Variants in MEMO1 observed in about 807,000 individuals in gnomAD.
MEMO1 encodes mediator of cell motility 1.
Under a neutral mutation model 45.2 loss-of-function variants are expected in MEMO1, and 6 were observed. That is an observed-to-expected ratio of 0.13 (90% confidence interval 0.07 to 0.26). MEMO1 has a LOEUF of 0.26. MEMO1 is among the 10% of genes least tolerant of loss of function. The probability of loss-of-function intolerance (pLI) is 1.00; values close to 1 mark genes in which losing one functional copy is unlikely to be tolerated. For synonymous variants in MEMO1, 78 were observed against 124.3 expected (o/e 0.63, Z 2.48); for missense variants, 184 against 370.5 (o/e 0.50, Z 4.13).
At chr2:31,950,509 A>G (rs1219677999) in intron 2 of MEMO1, among the ~76,000 whole-genome samples, 1 of 152,082 alleles carries the variant, frequency 6.6e-6, no homozygotes, top group Non-Finnish European at 1.5e-5. Flanking sequence ...ACTTGAGGTC[A>G]GGAATTTGAG....
At chr2:31,987,346 C>G (rs923316192) in intron 2 of MEMO1, among the ~76,000 whole-genome samples, 5 of 151,982 alleles carry the variant, frequency 3.3e-5, no homozygotes, top group Non-Finnish European at 5.9e-5. Context: ...AGGAGAATGA[C>G]AAAAGACTAG....
At chr2:31,944,723 C>T (rs1666000510) in intron 2 of MEMO1, among the ~76,000 whole-genome samples, 2 of 152,118 alleles carry the variant, frequency 1.3e-5, no homozygotes, top group Non-Finnish European at 2.9e-5. Flanking sequence ...CATACTAACA[C>T]TGATTAATTT....
intron 8 of MEMO1, among the ~76,000 whole-genome samples, chr2:31,879,899 A>G (rs1337764500): frequency 1.3e-5 from 2 of 152,156 alleles, no homozygotes; most frequent in Non-Finnish European, 2.9e-5. Flanking sequence ...TGTCCCTCTT[A>G]TATTCCCTGT....
chr2:31,985,243 T>C (rs1245040452), intron 2 of MEMO1, among the ~76,000 whole-genome samples: 1 of 152,202 alleles, frequency 6.6e-6, no homozygotes, highest in Non-Finnish European at 1.5e-5. Context: ...CTATAAACGC[T>C]GAAAGTGTTT....
chr2:31,905,915 C>A (rs1038422037), intron 6 of MEMO1, among the ~76,000 whole-genome samples: 2 of 152,170 alleles, frequency 1.3e-5, no homozygotes, highest in African/African-American at 4.8e-5. Flanking sequence ...TTTCTTCCAA[C>A]TCCAATCCAT....
chr2:31,960,163 C>G (rs1667850031), intron 2 of MEMO1, among the ~76,000 whole-genome samples: 1 of 151,060 alleles, frequency 6.6e-6, no homozygotes, highest in Non-Finnish European at 1.5e-5. Flanking sequence ...CGCCACTGCA[C>G]TGCAGCCTGG....
intron 2 of MEMO1, among the ~76,000 whole-genome samples, chr2:31,949,234 A>G (rs931962365): frequency 4.6e-5 from 7 of 152,204 alleles, no homozygotes; most frequent in African/African-American, 1.4e-4. Flanking sequence ...TTGAGCTACC[A>G]TAGGATCCAG....
chr2:31,921,131 C>T (rs910908491), intron 4 of MEMO1, among the ~76,000 whole-genome samples: 3 of 152,012 alleles, frequency 2.0e-5, no homozygotes, highest in Non-Finnish European at 2.9e-5. Context: ...TTCAAAGAGG[C>T]GATTAAGTTC....
At chr2:31,923,759 A>C in intron 4 of MEMO1, 1 of 1,523,712 alleles carries the variant, frequency 6.6e-7, no homozygotes, top group Non-Finnish European at 8.8e-7. Flanking sequence ...CAAAATATGA[A>C]GTGATTTTTA....
intron 2 of MEMO1, among the ~76,000 whole-genome samples, chr2:31,969,656 G>A (rs1261755522): frequency 6.9e-6 from 1 of 144,952 alleles, no homozygotes; most frequent in Non-Finnish European, 1.5e-5. Flanking sequence ...TCTCTCTGTT[G>A]CCCAGGCTGG....
At chr2:31,895,837 CT>C (rs71412853) in intron 6 of MEMO1, among the ~76,000 whole-genome samples, 513 of 84,746 alleles carry the variant, frequency 6.1e-3, no homozygotes, top group African/African-American at 0.017. Context: ...AGAAAAAAAT[CT>C]TTTTTTTTTT....
chr2:31,874,598 C>CAA (rs1674284520), intron 8 of MEMO1, among the ~76,000 whole-genome samples: 1 of 151,746 alleles, frequency 6.6e-6, no homozygotes, highest in Admixed American at 6.6e-5. Flanking sequence ...TAAAAAGGAC[C>CAA]AAAACTTAAT....
chr2:32,007,795 T>C (rs1018671207), intron 2 of MEMO1, among the ~76,000 whole-genome samples: 5 of 152,210 alleles, frequency 3.3e-5, no homozygotes, highest in African/African-American at 1.2e-4. Context: ...CACTGACAAA[T>C]ATTAAAGACA....
At chr2:31,986,409 T>C (rs911123900) in intron 2 of MEMO1, among the ~76,000 whole-genome samples, 39 of 152,182 alleles carry the variant, frequency 2.6e-4, no homozygotes, top group African/African-American at 9.2e-4. Context: ...AAGGCGGAGC[T>C]TGCAGTGAGC....
chr2:31,925,900 G>C lies in MEMO1; in HGVS notation c.213-4990C>G, dbSNP rs189598059. On this transcript the variant is annotated intron_variant, in intron 4 of 9. Coordinates refer to ENST00000404530, the MANE Select transcript of MEMO1 (RefSeq NM_001301833.4). Reference sequence around the variant, plus strand: ...TGACAAAATGCATTCAATCTGTGGTGATAAAACATTTCTGCTGCATATGGA... The same window carrying C: ...TGACAAAATGCATTCAATCTGTGGTCATAAAACATTTCTGCTGCATATGGA... Among the ~76,000 whole-genome samples, 24 of 152,288 alleles carry C rather than the reference G, an allele frequency of 1.6e-4. No individual in the cohort carries two copies. In the East Asian group the frequency reaches 4.4e-3, roughly 28 times the overall value.
intron 1 of MEMO1, 29 bp from the exon 2 acceptor site, chr2:32,010,293 C>G: frequency 8.5e-7 from 1 of 1,174,732 alleles, no homozygotes; most frequent in Non-Finnish European, 1.2e-6. Flanking sequence ...AATGAGGAGG[C>G]GGCGGCGGCG....
intron 2 of MEMO1, among the ~76,000 whole-genome samples, chr2:31,981,174 A>G (rs1056505762): frequency 2.0e-5 from 3 of 152,262 alleles, no homozygotes; most frequent in Admixed American, 1.3e-4. Flanking sequence ...CTGACTGAAC[A>G]GATCTGAAGG....
chr2:31,961,278 A>G (rs1667977233), intron 2 of MEMO1, among the ~76,000 whole-genome samples: 1 of 152,080 alleles, frequency 6.6e-6, no homozygotes, highest in South Asian at 2.1e-4. Context: ...GAACTGCTTG[A>G]ACCTGGGAGG....
intron 6 of MEMO1, among the ~76,000 whole-genome samples, chr2:31,894,890 T>A (rs1190178333): frequency 6.6e-6 from 1 of 152,176 alleles, no homozygotes; most frequent in African/African-American, 2.4e-5. Flanking sequence ...CTTCACAGCC[T>A]CCATACAATC....
Sources: gnomAD v4.1 joint callset for allele counts (sites outside exome capture counted in the v4.1 genomes callset) on GRCh38, gnomAD v4.1.1 for gene constraint, MANE v1.5 for transcripts, NCBI Gene and HGNC (gene_info 2026-07-23, HGNC 2026-07-21) for gene names.